Variants in BMPER observed in about 807,000 individuals in gnomAD.
The protein encoded by BMPER is BMP binding endothelial regulator, also known as BMP-binding endothelial regulator protein.
Under a neutral mutation model 87.3 loss-of-function variants are expected in BMPER, and 45 were observed. That is an observed-to-expected ratio of 0.52 (90% CI 0.41 to 0.66). The LOEUF (loss-of-function observed/expected upper bound fraction) is 0.66. BMPER is among the 30% of genes least tolerant of loss of function. BMPER has a pLI of 0.00. For missense variants in BMPER, 784 were observed against 867.5 expected (o/e 0.90, Z 1.21); for synonymous variants, 326 against 316.2 (o/e 1.03, Z -0.33).
chr7:34,150,521 A>G (rs555982471), intron 14 of BMPER, among the ~76,000 whole-genome samples: 1 of 152,336 alleles, frequency 6.6e-6, no homozygotes, highest in East Asian at 1.9e-4. Flanking sequence ...ACACATGAAT[A>G]CAATTACTCT....
intron 13 of BMPER, among the ~76,000 whole-genome samples, chr7:34,102,836 A>C (rs1051479528): frequency 6.6e-6 from 1 of 152,136 alleles, no homozygotes; most frequent in Admixed American, 6.5e-5. Context: ...ATAATATATG[A>C]GGTGATTGCC....
intron 2 of BMPER, among the ~76,000 whole-genome samples, chr7:33,924,182 A>T (rs1205372174): frequency 6.6e-6 from 1 of 152,148 alleles, no homozygotes; most frequent in East Asian, 1.9e-4. Context: ...GGGGTCCTGG[A>T]TTCCTCTTTC....
chr7:34,099,533 T>C (rs1026996253), intron 13 of BMPER, among the ~76,000 whole-genome samples: 2 of 152,230 alleles, frequency 1.3e-5, no homozygotes, highest in Non-Finnish European at 2.9e-5. Flanking sequence ...TTATGTTGAC[T>C]GAATTTTTAA....
chr7:34,150,436 G>A (rs1274333494), intron 14 of BMPER, among the ~76,000 whole-genome samples: 1 of 152,166 alleles, frequency 6.6e-6, no homozygotes, highest in Non-Finnish European at 1.5e-5. Context: ...CTGGGATGAA[G>A]TCTGGGCATC....
chr7:34,088,508 T>C (rs1195901800), intron 13 of BMPER, among the ~76,000 whole-genome samples: 1 of 152,144 alleles, frequency 6.6e-6, no homozygotes, highest in African/African-American at 2.4e-5. Flanking sequence ...TCAGGGTTTG[T>C]AGGAGACTTT....
chr7:33,975,092 C>A (rs1162092868), intron 6 of BMPER, among the ~76,000 whole-genome samples: 1 of 152,190 alleles, frequency 6.6e-6, no homozygotes, highest in Non-Finnish European at 1.5e-5. Context: ...CTGCAGACCA[C>A]CCAATGGGCC....
intron 13 of BMPER, among the ~76,000 whole-genome samples, chr7:34,089,765 T>C (rs1789329192): frequency 6.6e-6 from 1 of 152,222 alleles, no homozygotes; most frequent in Non-Finnish European, 1.5e-5. Context: ...ATTACAGGTG[T>C]GAGCCACTGT....
chr7:34,079,999 C>G (rs1222985618), intron 12 of BMPER, among the ~76,000 whole-genome samples: 1 of 152,204 alleles, frequency 6.6e-6, no homozygotes, highest in Non-Finnish European at 1.5e-5. Context: ...ATAAATTCAG[C>G]TCATTTTCAC....
At chr7:34,114,998 T>C (rs1168115499) in intron 13 of BMPER, among the ~76,000 whole-genome samples, 1 of 152,200 alleles carries the variant, frequency 6.6e-6, no homozygotes, top group Non-Finnish European at 1.5e-5. Context: ...GAATATTCAA[T>C]TAGCAATTAC....
chr7:33,982,381 C>A (rs1785887857), intron 6 of BMPER, among the ~76,000 whole-genome samples: 1 of 152,120 alleles, frequency 6.6e-6, no homozygotes, highest in African/African-American at 2.4e-5. Context: ...GTTCATCTAA[C>A]TAGTGTGGGC....
rs143609076 is a variant in BMPER at position 34,138,868 on chromosome 7, A to C, written c.1746-4362A>C. Among the ~76,000 whole-genome samples, 22 of 152,352 alleles carry C rather than the reference A, an allele frequency of 1.4e-4. No homozygotes were observed. The South Asian group carries it at 3.3e-3, about 23-fold the overall frequency. On this transcript the variant is annotated intron_variant, in intron 13 of 14. Coordinates refer to ENST00000649409, the MANE Select transcript of BMPER (RefSeq NM_001365308.1). ...AAATGTGACAGAACAATGTCATGAC[A>C]GCAGAGGTACCAAAGCCATAAATCT...
intron 2 of BMPER, among the ~76,000 whole-genome samples, chr7:33,908,637 A>G (rs1450404158): frequency 6.6e-6 from 1 of 152,236 alleles, no homozygotes. Context: ...TAAATTCAGA[A>G]GGGCAGTAGG....
chr7:34,152,887 T>A (rs1420543319), intron 14 of BMPER, among the ~76,000 whole-genome samples: 2 of 152,210 alleles, frequency 1.3e-5, no homozygotes, highest in African/African-American at 2.4e-5. Context: ...CAGATCTACC[T>A]GCATTTGTTT....
intron 12 of BMPER, among the ~76,000 whole-genome samples, chr7:34,081,424 T>A (rs1421661145): frequency 1.3e-5 from 2 of 152,244 alleles, no homozygotes; most frequent in Non-Finnish European, 2.9e-5. Context: ...GAATGACTCT[T>A]TGACCCTGCG....
At chr7:34,069,743 T>C (rs1482552237) in intron 11 of BMPER, among the ~76,000 whole-genome samples, 2 of 152,218 alleles carry the variant, frequency 1.3e-5, no homozygotes, top group Non-Finnish European at 2.9e-5. Context: ...ATTTACTTAC[T>C]TTTTAAAAAT....
intron 6 of BMPER, among the ~76,000 whole-genome samples, chr7:34,016,013 A>T (rs1787016499): frequency 6.6e-6 from 1 of 151,036 alleles, no homozygotes; most frequent in African/African-American, 2.5e-5. Flanking sequence ...AGAGAGTGAG[A>T]GAGAGAGAGA....
chr7:34,022,168 A>G (rs1429322898), intron 6 of BMPER, among the ~76,000 whole-genome samples: 1 of 152,062 alleles, frequency 6.6e-6, no homozygotes, highest in Admixed American at 6.6e-5. Flanking sequence ...TTCTTTCCAA[A>G]CTACAAGGTT....
intron 13 of BMPER, among the ~76,000 whole-genome samples, chr7:34,120,370 A>G (rs1287345625): frequency 2.0e-5 from 3 of 150,840 alleles, no homozygotes; most frequent in Non-Finnish European, 4.4e-5. Flanking sequence ...AAAAAAATAC[A>G]ATGATGATTA....
intron 3 of BMPER, among the ~76,000 whole-genome samples, chr7:33,954,690 G>A (rs1785109173): frequency 6.6e-6 from 1 of 152,188 alleles, no homozygotes; most frequent in African/African-American, 2.4e-5. Context: ...ATCAATGGTT[G>A]CTCTGAGATT....
Sources: gnomAD v4.1 joint callset for allele counts (sites outside exome capture counted in the v4.1 genomes callset) on GRCh38, gnomAD v4.1.1 for gene constraint, MANE v1.5 for transcripts, NCBI Gene and HGNC (gene_info 2026-07-23, HGNC 2026-07-21) for gene names.